SPEF2: variants seen among roughly 807,000 people sequenced by gnomAD.
The protein encoded by SPEF2 is sperm flagellar and cilia associated 2.
SPEF2 carries 187 observed loss-of-function variants against 224.6 expected under a neutral mutation model. The ratio of observed to expected loss-of-function variants is 0.83; its 90% confidence interval spans 0.74 to 0.94. The LOEUF is 0.94. Among genes scored for constraint, SPEF2 ranks in the 40% least tolerant of loss-of-function variants. The probability of loss-of-function intolerance (pLI) is 0.00; values close to 1 mark genes in which losing one functional copy is unlikely to be tolerated. For missense variants in SPEF2, 2,170 were observed against 2,135.6 expected (o/e 1.02, Z -0.32); for synonymous variants, 715 against 707.3 (o/e 1.01, Z -0.17).
chr5:35,804,088 G>C (rs1165102982), intron 34 of SPEF2, among the ~76,000 whole-genome samples: 2 of 152,216 alleles, frequency 1.3e-5, no homozygotes, highest in Non-Finnish European at 2.9e-5. Flanking sequence ...TCTTGGCAAG[G>C]AGCGTTTGAG....
chr5:35,649,024 A>G (rs1481227425), intron 5 of SPEF2, among the ~76,000 whole-genome samples: 4 of 152,046 alleles, frequency 2.6e-5, no homozygotes, highest in East Asian at 1.9e-4. Flanking sequence ...AAAAAAAAAA[A>G]AAAGAAAGAA....
intron 8 of SPEF2, among the ~76,000 whole-genome samples, chr5:35,662,820 TGTGTA>T (rs1749928489): frequency 6.6e-6 from 1 of 152,102 alleles, no homozygotes; most frequent in African/African-American, 2.4e-5. Context: ...ACTCTAGCCC[TGTGTA>T]GTGTAGTGTA....
chr5:35,784,009 C>G (rs1027299069), intron 30 of SPEF2, among the ~76,000 whole-genome samples: 2 of 152,150 alleles, frequency 1.3e-5, no homozygotes, highest in African/African-American at 2.4e-5. Flanking sequence ...CATAGTTTAG[C>G]AAATTCTACA....
rs1445131813 is a variant in SPEF2, at chr5:35,806,898, A to T, written c.5202A>T (p.Ala1734=). Residue 1734 remains alanine, a synonymous_variant, in exon 35 of 37, where the codon GCA becomes GCT. Transcript: ENST00000356031. ...LLKVFKGGSE[A]QDSNRFASHL... Reference sequence around the variant, plus strand: ...AAGTGTTCAAAGGGGGAAGTGAAGCACAGGACTCCAATAGATTTGCCAGCC... The same window carrying T: ...AAGTGTTCAAAGGGGGAAGTGAAGCTCAGGACTCCAATAGATTTGCCAGCC... The T allele has an allele frequency of 6.2e-7, 1 of 1,613,788 alleles. No homozygotes were observed. Among genetic ancestry groups the T allele is most frequent in the African/African-American group, 1.3e-5 (1 of 74,920 alleles).
At chr5:35,628,086 A>G (rs1029072064) in intron 1 of SPEF2, among the ~76,000 whole-genome samples, 1 of 152,238 alleles carries the variant, frequency 6.6e-6, no homozygotes, top group Non-Finnish European at 1.5e-5. Flanking sequence ...TGCTGTCATC[A>G]TAGGTTGTGT....
intron 34 of SPEF2, 51 bp from the exon 35 acceptor site, chr5:35,806,656 G>T: frequency 1.3e-6 from 2 of 1,571,732 alleles, no homozygotes; most frequent in South Asian, 1.2e-5. Context: ...AGTCTCCATT[G>T]GTGGAAAAAA....
Position 35,694,303 on chromosome 5 carries a change from T to A in SPEF2, c.1915T>A (p.Phe639Ile). The A allele has an allele frequency of 1.2e-6, 2 of 1,613,598 alleles. No individual in the cohort carries two copies. Among genetic ancestry groups the A allele is most frequent in the Non-Finnish European group, 8.5e-7 (1 of 1,179,728 alleles). ...CTCTCCAAAGGATCCACAACATGTA[T>A]TTTCAGCTGGTCCAGTTTCAGATGA... ...IKESQDPQHV[F>I]SAGPVSDEVL... The change falls in exon 13 of 37, where the codon TTT (phenylalanine) becomes ATT (isoleucine). Residue 639 changes from phenylalanine (F) to isoleucine (I), a missense_variant. Physicochemically the swap from Phe to Ile is conservative, Grantham distance 21. Coordinates refer to ENST00000356031, the MANE Select transcript of SPEF2 (RefSeq NM_024867.4).
intron 1 of SPEF2, among the ~76,000 whole-genome samples, chr5:35,622,376 T>C (rs1743651009): frequency 1.3e-5 from 2 of 152,332 alleles, no homozygotes; most frequent in Middle Eastern, 3.4e-3. Context: ...AAAAATCCCA[T>C]TGAATATTTA....
At chr5:35,662,921 G>A (rs1362696086) in intron 8 of SPEF2, among the ~76,000 whole-genome samples, 1 of 152,008 alleles carries the variant, frequency 6.6e-6, no homozygotes, top group Non-Finnish European at 1.5e-5. Context: ...GAGAGTGGGA[G>A]GAGATGGCAC....
At chr5:35,697,405 G>A (rs1003076081) in intron 14 of SPEF2, among the ~76,000 whole-genome samples, 1 of 152,190 alleles carries the variant, frequency 6.6e-6, no homozygotes, top group Admixed American at 6.5e-5. Flanking sequence ...TAGAGCCCAA[G>A]AAGAGAGCTC....
At chr5:35,653,809 TG>T (rs1280700019) in intron 6 of SPEF2, among the ~76,000 whole-genome samples, 1 of 150,346 alleles carries the variant, frequency 6.7e-6, no homozygotes, top group Non-Finnish European at 1.5e-5. Flanking sequence ...TAGCCGGGCG[TG>T]GTGGCGTGTG....
At position 35,662,321 on chromosome 5, in the gene SPEF2, A is replaced by G. The variant is rs145432912; in HGVS notation, c.1167+3114A>G. Among the ~76,000 whole-genome samples, 1,366 of 152,038 alleles carry G rather than the reference A, an allele frequency of 9.0e-3. 17 individuals are homozygous for G. The highest frequency in any genetic ancestry group is 0.032 in the African/African-American group (1,329 of 41,458). The stretch of plus-strand genomic sequence containing the variant: ...TGTCTGAGTTTCTTATAGATGTTGG[A>G]TATTAGACCTTTGTCAGATGCATAG... On this transcript the variant is annotated intron_variant, in intron 8 of 36. Transcript: ENST00000356031.
At chr5:35,781,196 G>T (rs1754292330) in intron 30 of SPEF2, 4 of 148,684 alleles carry the variant, frequency 2.7e-5, no homozygotes, top group Non-Finnish European at 4.5e-5. Flanking sequence ...GAAACCATTT[G>T]CCCTAGGAGC....
chr5:35,790,650 T>C (rs1755819525), intron 30 of SPEF2: 1 of 240,600 alleles, frequency 4.2e-6, no homozygotes, highest in Non-Finnish European at 7.9e-6. Flanking sequence ...GTTATTTTGA[T>C]GTCATTTTTT....
chr5:35,704,360 T>C (rs1008320932), intron 16 of SPEF2, among the ~76,000 whole-genome samples, 194 bp from the exon 17 acceptor site: 26 of 152,152 alleles, frequency 1.7e-4, no homozygotes, highest in Admixed American at 5.9e-4. Flanking sequence ...TTACTTATTT[T>C]CCCCAATTTC....
intron 11 of SPEF2, among the ~76,000 whole-genome samples, chr5:35,692,129 G>A (rs1208475260): frequency 1.3e-5 from 2 of 152,058 alleles, no homozygotes; most frequent in Non-Finnish European, 2.9e-5. Context: ...AGCTTGATCC[G>A]GCTGGGTGTG....
chr5:35,656,230 C>A (rs555266734), intron 7 of SPEF2, among the ~76,000 whole-genome samples: 1 of 152,178 alleles, frequency 6.6e-6, no homozygotes, highest in East Asian at 1.9e-4. Flanking sequence ...CTACAAAGAC[C>A]ATTTGAAGAT....
Position 35,800,033 on chromosome 5 carries a change from G to A in SPEF2, c.4896G>A (p.Leu1632=). Residue 1632 remains leucine, a synonymous_variant, in exon 34 of 37, where the codon CTG becomes CTA. Coordinates refer to ENST00000356031, the MANE Select transcript of SPEF2 (RefSeq NM_024867.4). ...CCCAGCTTGACTACACACAGATGCTGCTTTACTTTGCTTGCCACCCAGACA... is the reference window on the plus strand; with the variant it reads ...CCCAGCTTGACTACACACAGATGCTACTTTACTTTGCTTGCCACCCAGACA... ...DPPQLDYTQM[L]LYFACHPDTV... is the part of the protein sequence containing the mutation. 1 of 1,614,078 alleles carries A rather than the reference G, an allele frequency of 6.2e-7. No individual in the cohort carries two copies. Among genetic ancestry groups the A allele is most frequent in the Non-Finnish European group, 8.5e-7 (1 of 1,180,012 alleles).
intron 20 of SPEF2, among the ~76,000 whole-genome samples, chr5:35,717,188 C>A (rs755104123): frequency 5.1e-4 from 78 of 152,238 alleles, no homozygotes; most frequent in Middle Eastern, 6.8e-3. Context: ...TTTTTAATTA[C>A]AGGATTTTTT....
Sources: allele counts gnomAD v4.1 joint callset (sites outside exome capture counted in the v4.1 genomes callset), GRCh38; gene constraint gnomAD v4.1.1; transcripts MANE v1.5; gene names NCBI Gene and HGNC (gene_info 2026-07-23, HGNC 2026-07-21).